Variants in AFG2A observed in about 807,000 individuals in gnomAD.
AFG2A encodes AAA ATPase AFG2A.
chr4:123,200,933 G>A, the AFG2A span, among the ~76,000 whole-genome samples: 11 of 152,252 alleles, frequency 7.2e-5, 1 homozygote, highest in South Asian at 6.2e-4. Context: ...AAAGTAAAGC[G>A]TTTTAAAAAT....
the AFG2A span, among the ~76,000 whole-genome samples, chr4:122,967,551 A>G: frequency 6.6e-6 from 1 of 152,180 alleles, no homozygotes; most frequent in East Asian, 1.9e-4. Flanking sequence ...AATACTTTAA[A>G]TCATATAATC....
chr4:123,292,323 C>T, the AFG2A span, among the ~76,000 whole-genome samples: 26 of 152,172 alleles, frequency 1.7e-4, no homozygotes, highest in East Asian at 2.1e-3. Context: ...TGGATCTCAT[C>T]GAGCAACTTA....
At chr4:123,286,473 G>A in the AFG2A span, among the ~76,000 whole-genome samples, 15 of 152,020 alleles carry the variant, frequency 9.9e-5, no homozygotes, top group African/African-American at 1.4e-4. Flanking sequence ...ACATTAAATT[G>A]CTTTTGATTT....
At chr4:123,062,479 A>G in the AFG2A span, among the ~76,000 whole-genome samples, 6 of 152,078 alleles carry the variant, frequency 3.9e-5, no homozygotes, top group African/African-American at 1.4e-4. Context: ...AATGGCCAGT[A>G]TTTCTGTTAA....
At chr4:122,938,056 A>C in the AFG2A span, 1 of 1,412,498 alleles carries the variant, frequency 7.1e-7, no homozygotes, top group South Asian at 1.7e-5. Context: ...TTCAGTTAAA[A>C]AAATTAAAAC....
chr4:123,004,714 T>C, the AFG2A span, among the ~76,000 whole-genome samples: 2 of 152,230 alleles, frequency 1.3e-5, no homozygotes, highest in Admixed American at 6.5e-5. Context: ...CTGCTTTTGA[T>C]ATCAGGATAA....
chr4:122,935,925 CTG>C, the AFG2A span: 30 of 1,402,164 alleles, frequency 2.1e-5, no homozygotes, highest in South Asian at 7.8e-5. Flanking sequence ...GTGTAGTATT[CTG>C]TGTGATATTT....
the AFG2A span, among the ~76,000 whole-genome samples, chr4:123,181,803 A>G: frequency 6.6e-6 from 1 of 152,324 alleles, no homozygotes; most frequent in Non-Finnish European, 1.5e-5. Flanking sequence ...TTTTATGAAG[A>G]TAATCTAGTA....
At chr4:123,173,379 G>A in the AFG2A span, among the ~76,000 whole-genome samples, 10 of 82,750 alleles carry the variant, frequency 1.2e-4, no homozygotes, top group East Asian at 2.0e-3. Flanking sequence ...TTTTTGAGTC[G>A]GATTCTCACC....
At chr4:123,118,611 G>A in the AFG2A span, among the ~76,000 whole-genome samples, 1 of 151,628 alleles carries the variant, frequency 6.6e-6, no homozygotes. Context: ...GTACTACAAA[G>A]AGTAATCTTG....
chr4:123,244,472 G>GT, the AFG2A span, among the ~76,000 whole-genome samples: 1 of 152,174 alleles, frequency 6.6e-6, no homozygotes, highest in Non-Finnish European at 1.5e-5. Flanking sequence ...ACCACTCGGC[G>GT]TCACCACTGT....
At chr4:123,208,358 T>C in the AFG2A span, among the ~76,000 whole-genome samples, 19 of 152,138 alleles carry the variant, frequency 1.2e-4, no homozygotes, top group African/African-American at 4.3e-4. Context: ...GGGGTAGGGA[T>C]CTTAAAGACT....
chr4:122,927,643 A>C, the AFG2A span: 1 of 1,606,964 alleles, frequency 6.2e-7, no homozygotes, highest in Non-Finnish European at 8.5e-7. Flanking sequence ...GTAGATGACA[A>C]AATTCCTAAA....
the AFG2A span, among the ~76,000 whole-genome samples, chr4:123,029,014 A>C: frequency 6.6e-6 from 1 of 152,246 alleles, no homozygotes; most frequent in African/African-American, 2.4e-5. Flanking sequence ...ACACATATAA[A>C]ACTGTAAATC....
At chr4:123,098,599 T>A in the AFG2A span, among the ~76,000 whole-genome samples, 1 of 152,064 alleles carries the variant, frequency 6.6e-6, no homozygotes. Context: ...ACTCCACATA[T>A]AAGCAAGATC....
the AFG2A span, chr4:123,090,660 T>C: frequency 6.2e-7 from 1 of 1,614,032 alleles, no homozygotes; most frequent in African/African-American, 1.3e-5. Context: ...AGCTAAAGGA[T>C]GTGACCATTT....
chr4:123,119,333 A>T, the AFG2A span, among the ~76,000 whole-genome samples: 993 of 152,248 alleles, frequency 6.5e-3, 12 homozygotes, highest in African/African-American at 0.023. Context: ...ATGGAAATAG[A>T]CTCAACTGAT....
the AFG2A span, among the ~76,000 whole-genome samples, chr4:123,110,092 T>C: frequency 6.6e-6 from 1 of 152,166 alleles, no homozygotes; most frequent in Non-Finnish European, 1.5e-5. Flanking sequence ...TAGTAGAAGG[T>C]AGTTCAGTAA....
the AFG2A span, among the ~76,000 whole-genome samples, chr4:123,285,175 A>G: frequency 1.3e-5 from 2 of 151,968 alleles, no homozygotes; most frequent in Non-Finnish European, 2.9e-5. Flanking sequence ...AATTATAATA[A>G]CCAGCTCTAA....
Sources: allele counts gnomAD v4.1 joint callset (sites outside exome capture counted in the v4.1 genomes callset), GRCh38; gene constraint gnomAD v4.1.1; transcripts MANE v1.5; gene names NCBI Gene and HGNC (gene_info 2026-07-23, HGNC 2026-07-21).